The following PRELID2 variants were observed in gnomAD, a reference collection of about 807,000 sequenced individuals.
The protein encoded by PRELID2 is PRELI domain-containing protein 2.
Under a neutral mutation model 28.4 loss-of-function variants are expected in PRELID2, and 25 were observed. The observed-to-expected ratio is 0.88, with a 90% CI of 0.64 to 1.23. The LOEUF (loss-of-function observed/expected upper bound fraction) is 1.23, where lower values mean the gene tolerates loss of function less well. Among genes scored for constraint, PRELID2 ranks in the 50% most tolerant of loss-of-function variants. PRELID2 has a pLI of 0.00. For synonymous variants in PRELID2, 76 were observed against 71.6 expected, an observed-to-expected ratio of 1.06 and a Z score of -0.31; for missense variants, 201 against 214.4, an observed-to-expected ratio of 0.94 and a Z score of 0.39.
the PRELID2 span, among the ~76,000 whole-genome samples, chr5:145,456,599 A>C: frequency 1.3e-5 from 2 of 152,136 alleles, no homozygotes; most frequent in South Asian, 4.1e-4. Flanking sequence ...ATGGGCAACT[A>C]TCAAATTTGC....
Position 145,835,305 on chromosome 5 carries a change from G to C in PRELID2, c.-54C>G. On this transcript the variant is annotated 5_prime_UTR_variant, in exon 1 of 7. Coordinates refer to ENST00000683046, the MANE Select transcript of PRELID2 (RefSeq NM_205846.3). Reference sequence around the variant, plus strand: ...GCCACGCCTCCGCGAGCTCAGAGCTGCCCAGGGCTCCGCAGAGGCCCGGAG... The same window carrying C: ...GCCACGCCTCCGCGAGCTCAGAGCTCCCCAGGGCTCCGCAGAGGCCCGGAG... 1 of 1,320,510 alleles carries C rather than the reference G, an allele frequency of 7.6e-7. No homozygotes were observed. Among genetic ancestry groups the C allele is most frequent in the Non-Finnish European group, 1.1e-6 (1 of 946,932 alleles). 81.8% of individuals were successfully genotyped at this position (1,320,510 alleles called of 1,614,324 possible). A position where few individuals can be genotyped will look rare whatever the true frequency, so the allele number is the denominator to read the frequency against.
At chr5:145,791,183 A>C (rs1192437257) in intron 5 of PRELID2, among the ~76,000 whole-genome samples, 1 of 152,084 alleles carries the variant, frequency 6.6e-6, no homozygotes, top group Non-Finnish European at 1.5e-5. Context: ...GGTGGCAGGC[A>C]AGAAAGCTTG....
chr5:145,349,573 A>C, the PRELID2 span, among the ~76,000 whole-genome samples: 1 of 152,132 alleles, frequency 6.6e-6, no homozygotes, highest in East Asian at 1.9e-4. Context: ...AGCAAATCTC[A>C]AAGGACAAAA....
At chr5:145,787,070 G>T (rs995539574) in intron 5 of PRELID2, among the ~76,000 whole-genome samples, 1 of 152,162 alleles carries the variant, frequency 6.6e-6, no homozygotes, top group Non-Finnish European at 1.5e-5. Context: ...ATGGGGCCTT[G>T]CCAGGAGAGT....
chr5:145,603,167 TA>T (rs1287973888), intron 1 of PRELID2, among the ~76,000 whole-genome samples: 1 of 151,544 alleles, frequency 6.6e-6, no homozygotes, highest in Admixed American at 6.6e-5. Flanking sequence ...CAGATACTAC[TA>T]TTGAAAGAAG....
At chr5:145,361,486 G>A in the PRELID2 span, among the ~76,000 whole-genome samples, 2 of 152,144 alleles carry the variant, frequency 1.3e-5, no homozygotes, top group Non-Finnish European at 2.9e-5. Context: ...CAGCAATACA[G>A]CTCTGGTCCC....
intron 5 of PRELID2, among the ~76,000 whole-genome samples, chr5:145,780,609 T>C (rs141315614): frequency 1.9e-4 from 29 of 152,348 alleles, no homozygotes; most frequent in African/African-American, 6.3e-4. Context: ...AAATAAGTTT[T>C]TTTAATTTTG....
At chr5:145,329,728 A>G in the PRELID2 span, among the ~76,000 whole-genome samples, 1 of 152,212 alleles carries the variant, frequency 6.6e-6, no homozygotes, top group African/African-American at 2.4e-5. Context: ...ATCTGCAAAC[A>G]GAGACAACTT....
chr5:145,377,665 T>G, the PRELID2 span, among the ~76,000 whole-genome samples: 2 of 152,148 alleles, frequency 1.3e-5, no homozygotes, highest in Non-Finnish European at 2.9e-5. Flanking sequence ...AAGACTGTTT[T>G]GTCAGAAACT....
intron 1 of PRELID2, among the ~76,000 whole-genome samples, chr5:145,545,461 A>G (rs1394275931): frequency 5.3e-5 from 8 of 151,204 alleles, no homozygotes. Flanking sequence ...AAAAAAAAAA[A>G]CCCTAATTTT....
downstream of PRELID2, among the ~76,000 whole-genome samples, chr5:145,755,133 A>G (rs959921666): frequency 3.3e-5 from 5 of 152,196 alleles, no homozygotes; most frequent in African/African-American, 1.2e-4. Context: ...ACAAACTACA[A>G]TCATACCAAT....
intron 1 of PRELID2, among the ~76,000 whole-genome samples, chr5:145,548,150 TC>T (rs1468999613): frequency 3.9e-5 from 6 of 152,232 alleles, no homozygotes; most frequent in Admixed American, 1.3e-4. Flanking sequence ...AGATCTAAAA[TC>T]ACCCAAGTTA....
At chr5:145,362,155 T>G in the PRELID2 span, among the ~76,000 whole-genome samples, 3 of 152,128 alleles carry the variant, frequency 2.0e-5, no homozygotes, top group Non-Finnish European at 4.4e-5. Flanking sequence ...AATAAATATA[T>G]GCTAAATGAA....
At position 145,615,490 on chromosome 5, in the gene PRELID2, C is replaced by T. The variant is rs1323492802; in HGVS notation, n.71-142175G>A. ...TACAGGTGCCCGCCACCTCGCCCGG[C>T]TAATTTTTTGTATTTTTAGTAGAGA... On this transcript the variant is annotated intron_variant and non_coding_transcript_variant, in intron 1 of 2. Transcript: ENST00000510259. 1.4e-5 allele frequency among the ~76,000 whole-genome samples: 2 copies of T among 143,698 alleles called. 1 individual carries two copies. Among genetic ancestry groups the T allele is most frequent in the Non-Finnish European group, 3.0e-5 (2 of 67,220 alleles). The allele number at this position is 143,698 out of a possible 152,430, so 94.3% of individuals were successfully genotyped here.
At chr5:145,270,937 G>A in the PRELID2 span, among the ~76,000 whole-genome samples, 4 of 152,066 alleles carry the variant, frequency 2.6e-5, no homozygotes, top group African/African-American at 9.7e-5. Flanking sequence ...CCCCATGGCT[G>A]GGGGAGGCCT....
the PRELID2 span, among the ~76,000 whole-genome samples, chr5:145,388,725 G>C: frequency 6.6e-6 from 1 of 151,996 alleles, no homozygotes; most frequent in African/African-American, 2.4e-5. Flanking sequence ...TGTTAAATCT[G>C]TCTTTCCACA....
intron 1 of PRELID2, among the ~76,000 whole-genome samples, chr5:145,589,473 T>A: frequency 6.6e-6 from 1 of 152,196 alleles, no homozygotes; most frequent in Middle Eastern, 3.2e-3. Flanking sequence ...ATCATCATTT[T>A]TTTTCTTTGC....
the PRELID2 span, among the ~76,000 whole-genome samples, chr5:145,327,388 G>A: frequency 6.6e-6 from 1 of 151,634 alleles, no homozygotes; most frequent in South Asian, 2.1e-4. Context: ...TTTTTCTCTT[G>A]TGACAGTTCT....
chr5:145,485,331 C>A (rs1467656764), intron 1 of PRELID2, among the ~76,000 whole-genome samples: 1 of 152,166 alleles, frequency 6.6e-6, no homozygotes, highest in Non-Finnish European at 1.5e-5. Flanking sequence ...TTGGCTATCA[C>A]ATATGTATAT....
Sources: allele counts gnomAD v4.1 joint callset (sites outside exome capture counted in the v4.1 genomes callset), GRCh38; gene constraint gnomAD v4.1.1; transcripts MANE v1.5; gene names NCBI Gene and HGNC (gene_info 2026-07-23, HGNC 2026-07-21).